Variants in ANO1 observed in about 807,000 individuals in gnomAD.
The protein encoded by ANO1 is anoctamin-1.
In ANO1, 59 loss-of-function variants were observed where a neutral mutation model predicts 124.0. That is an observed-to-expected ratio of 0.48 (90% confidence interval 0.39 to 0.59). ANO1 has a LOEUF of 0.59. Among genes scored for constraint, ANO1 ranks in the 20% least tolerant of loss-of-function variants. The pLI is 0.00. For synonymous variants in ANO1, 529 were observed against 532.0 expected (o/e 0.99, Z 0.08); for missense variants, 1,059 against 1,328.0 (o/e 0.80, Z 3.15).
rs769037784 is a variant in ANO1, at chr11:70,078,590, G to C, written c.-17G>C. ...GAGGGCGCGCCGCCCGGCGGTCCCAGCGCACAGGCGGCCACGATGAGGGTC... is the reference window on the plus strand; with the variant it reads ...GAGGGCGCGCCGCCCGGCGGTCCCACCGCACAGGCGGCCACGATGAGGGTC... On this transcript the variant is annotated 5_prime_UTR_variant, in exon 1 of 26. Transcript: ENST00000355303. 2 of 1,461,740 alleles carry C rather than the reference G, an allele frequency of 1.4e-6. No homozygotes were observed. Among genetic ancestry groups the C allele is most frequent in the Non-Finnish European group, 1.8e-6 (2 of 1,094,376 alleles). The allele number at this position is 1,461,740 out of a possible 1,614,324, so 90.5% of individuals were successfully genotyped here. A position where few individuals can be genotyped will look rare whatever the true frequency, so the allele number is the denominator to read the frequency against.
At chr11:70,069,491 G>T (rs1857814895) in intron 1 of ANO1, among the ~76,000 whole-genome samples, 1 of 152,228 alleles carries the variant, frequency 6.6e-6, no homozygotes, top group Admixed American at 6.5e-5. Flanking sequence ...ACAGATTTGA[G>T]ATCTGTTTAA....
At chr11:70,172,835 C>G (rs2048528622) in intron 22 of ANO1, among the ~76,000 whole-genome samples, 1 of 151,722 alleles carries the variant, frequency 6.6e-6, no homozygotes, top group South Asian at 2.1e-4. Flanking sequence ...GATTGCACTT[C>G]AGCCTGGGTG....
At chr11:70,046,809 C>G (rs1362238561) in intron 1 of ANO1, among the ~76,000 whole-genome samples, 3 of 152,014 alleles carry the variant, frequency 2.0e-5, no homozygotes, top group Non-Finnish European at 4.4e-5. Flanking sequence ...TGTGGTGGTT[C>G]ACACCCATAA....
At chr11:70,102,727 C>A (rs2135351104) in intron 2 of ANO1, among the ~76,000 whole-genome samples, 1 of 152,290 alleles carries the variant, frequency 6.6e-6, no homozygotes, top group East Asian at 1.9e-4. Context: ...TCTTTTGTGG[C>A]CTAGCCTGCT....
chr11:69,992,381 C>A (rs1331132904), intron 1 of ANO1, among the ~76,000 whole-genome samples: 1 of 152,160 alleles, frequency 6.6e-6, no homozygotes, highest in Non-Finnish European at 1.5e-5. Flanking sequence ...ATGTCATTCC[C>A]TTTAATACTC....
At chr11:70,106,394 C>G (rs534460313) in intron 5 of ANO1, among the ~76,000 whole-genome samples, 2 of 152,206 alleles carry the variant, frequency 1.3e-5, no homozygotes, top group Non-Finnish European at 2.9e-5. Context: ...GCCAAACTTT[C>G]GCTGTTATTC....
At chr11:70,176,588 T>A (rs1590930470) in intron 22 of ANO1, among the ~76,000 whole-genome samples, 2 of 152,134 alleles carry the variant, frequency 1.3e-5, no homozygotes, top group Admixed American at 1.3e-4. Flanking sequence ...GAGAATAGAC[T>A]GTAAATGTTT....
intron 16 of ANO1, among the ~76,000 whole-genome samples, chr11:70,159,503 G>A (rs1439976592): frequency 1.3e-5 from 2 of 152,228 alleles, no homozygotes; most frequent in African/African-American, 4.8e-5. Context: ...GCTTCATAGG[G>A]TTGAAGAGGA....
At chr11:70,182,784 A>T in intron 24 of ANO1, 98 bp downstream of exon 24, 1 of 1,119,970 alleles carries the variant, frequency 8.9e-7, no homozygotes. Flanking sequence ...AAGTCATGAA[A>T]CAACGCAAAC....
chr11:70,152,544 C>A, intron 13 of ANO1, 83 bp downstream of exon 13: 1 of 1,505,828 alleles, frequency 6.6e-7, no homozygotes, highest in Non-Finnish European at 9.2e-7. Context: ...TAATCTCTTT[C>A]TACCACGCAG....
intron 5 of ANO1, among the ~76,000 whole-genome samples, chr11:70,107,496 G>GGGGGGGGGGGGGGGGGGAGT (rs1157282108): frequency 1.2e-5 from 1 of 86,314 alleles, no homozygotes; most frequent in African/African-American, 4.4e-5. Flanking sequence ...GAGGCGGCGG[G>GGGGGGGGGGGGGGGGGGAGT]GCGGGGAAGC....
chr11:69,984,952 G>A (rs943584222), upstream of ANO1, among the ~76,000 whole-genome samples: 1 of 152,236 alleles, frequency 6.6e-6, no homozygotes, highest in African/African-American at 2.4e-5. Context: ...GTATTTATCT[G>A]GAGATGTCAG....
intron 1 of ANO1, among the ~76,000 whole-genome samples, chr11:70,054,219 GAGACCATGCCTAGATATTC>G (rs1280422405): frequency 6.6e-6 from 1 of 152,138 alleles, no homozygotes; most frequent in Non-Finnish European, 1.5e-5. Flanking sequence ...CACCCCTTCC[GAGACCATGCCTAGATATTC>G]AGACCATGCC....
At chr11:70,045,160 G>T (rs116972991) in intron 1 of ANO1, among the ~76,000 whole-genome samples, 21 of 152,352 alleles carry the variant, frequency 1.4e-4, no homozygotes, top group Non-Finnish European at 2.9e-4. Context: ...AGCATCAACA[G>T]CTAGTGAATC....
the ANO1 span, among the ~76,000 whole-genome samples, chr11:69,975,395 G>C: frequency 6.6e-6 from 1 of 152,234 alleles, no homozygotes; most frequent in African/African-American, 2.4e-5. Flanking sequence ...CCAGAGGAGA[G>C]CTGCCCGTGG....
chr11:70,086,238 T>TAAAAAAA (rs2044375773), intron 1 of ANO1, among the ~76,000 whole-genome samples: 1 of 152,230 alleles, frequency 6.6e-6, no homozygotes, highest in Admixed American at 6.5e-5. Context: ...CATGGCTTTT[T>TAAAAAAA]TTATTTTTTC....
In ANO1 at chr11:70,185,706, T is replaced by A. The variant is rs1590951404; in HGVS notation, c.2694+11T>A. 6.2e-7 allele frequency: 1 copy of A among 1,612,876 alleles called. No homozygotes were observed. On this transcript the variant is annotated intron_variant, in intron 25 of 25. Coordinates refer to ENST00000355303, the MANE Select transcript of ANO1 (RefSeq NM_018043.7). ...GTCATCGTCTTCCAGGTGCGGTGGGTCCCTCTTTGTTTCCGGTTTGAAGAT... is the reference window on the plus strand; with the variant it reads ...GTCATCGTCTTCCAGGTGCGGTGGGACCCTCTTTGTTTCCGGTTTGAAGAT...
intron 6 of ANO1, among the ~76,000 whole-genome samples, chr11:70,108,662 C>T (rs772216899): frequency 9.9e-5 from 15 of 152,128 alleles, no homozygotes; most frequent in Non-Finnish European, 1.2e-4. Flanking sequence ...TCTCCCTGCA[C>T]GGGTGGTAAA....
intron 15 of ANO1, among the ~76,000 whole-genome samples, chr11:70,156,388 G>A (rs546023417): frequency 1.7e-4 from 26 of 152,260 alleles, no homozygotes; most frequent in African/African-American, 5.8e-4. Context: ...GAAACATCCC[G>A]GATTAGTGAT....
Sources: gnomAD v4.1 joint callset for allele counts (sites outside exome capture counted in the v4.1 genomes callset) on GRCh38, gnomAD v4.1.1 for gene constraint, MANE v1.5 for transcripts, NCBI Gene and HGNC (gene_info 2026-07-23, HGNC 2026-07-21) for gene names.